RB1: variants seen among roughly 807,000 people sequenced by gnomAD.
RB1 encodes RB transcriptional corepressor 1.
Under a neutral mutation model 135.4 loss-of-function variants are expected in RB1, and 18 were observed. That is an observed-to-expected ratio of 0.13 (90% CI 0.09 to 0.20). The LOEUF is 0.20. Among genes scored for constraint, RB1 ranks in the 10% least tolerant of loss-of-function variants. The pLI is 1.00. For missense variants in RB1, 868 were observed against 1,110.0 expected, an observed-to-expected ratio of 0.78 and a Z score of 3.10; for synonymous variants, 365 against 373.2, an observed-to-expected ratio of 0.98 and a Z score of 0.25.
At chr13:48,328,439 G>A in intron 2 of RB1, 1 of 1,122,286 alleles carries the variant, frequency 8.9e-7, no homozygotes, top group South Asian at 1.2e-5. Context: ...TTGGAGGTCT[G>A]CAGCTTCTTC....
chr13:48,338,838 C>T lies in RB1; in HGVS notation c.265-3761C>T, dbSNP rs539456074. On this transcript the variant is annotated intron_variant, in intron 2 of 26. Transcript: ENST00000267163. Reference sequence around the variant, plus strand: ...TACCTTTGGTCTTTGATGATGGTGACGTACAGATGGGGGTATGGTGTGGAT... The same window carrying T: ...TACCTTTGGTCTTTGATGATGGTGATGTACAGATGGGGGTATGGTGTGGAT... Among the ~76,000 whole-genome samples, 297 of 152,214 alleles carry T rather than the reference C, an allele frequency of 2.0e-3. 2 individuals are homozygous for T. Among genetic ancestry groups the T allele is most frequent in the Non-Finnish European group, 3.6e-3 (248 of 68,026 alleles).
chr13:48,473,502 G>T (rs1263174076), intron 24 of RB1, 112 bp downstream of exon 24: 1 of 839,802 alleles, frequency 1.2e-6, no homozygotes, highest in Admixed American at 2.1e-5. Context: ...CCTCATCCAG[G>T]CATATTGCAT....
At chr13:48,443,516 T>G (rs577632097) in intron 17 of RB1, among the ~76,000 whole-genome samples, 20 of 152,180 alleles carry the variant, frequency 1.3e-4, no homozygotes, top group Non-Finnish European at 2.6e-4. Flanking sequence ...TAACACTTAA[T>G]TTTAAGACTT....
chr13:48,420,020 C>A (rs749205004), intron 17 of RB1, among the ~76,000 whole-genome samples: 2 of 152,134 alleles, frequency 1.3e-5, no homozygotes, highest in Non-Finnish European at 2.9e-5. Flanking sequence ...AAAAGAGAGT[C>A]CTCCTTAACT....
chr13:48,376,235 T>C (rs1302223231), intron 12 of RB1, among the ~76,000 whole-genome samples: 2 of 152,078 alleles, frequency 1.3e-5, no homozygotes, highest in Non-Finnish European at 2.9e-5. Flanking sequence ...GCATGGTGGC[T>C]CACACCTGTA....
intron 20 of RB1, among the ~76,000 whole-genome samples, chr13:48,460,662 A>G (rs1949399473): frequency 6.6e-6 from 1 of 152,158 alleles, no homozygotes. Context: ...ATAGGTTAAT[A>G]AGAACAATAT....
intron 7 of RB1, among the ~76,000 whole-genome samples, chr13:48,361,680 A>G (rs894305223): frequency 6.6e-6 from 1 of 152,156 alleles, no homozygotes; most frequent in Admixed American, 6.5e-5. Flanking sequence ...TTACAGTTTG[A>G]ATGAGAATCT....
chr13:48,426,559 CAG>C (rs958263297), intron 17 of RB1: 2 of 152,198 alleles, frequency 1.3e-5, no homozygotes, highest in Admixed American at 6.5e-5. Context: ...CCTAGAAATT[CAG>C]AATAAAAGTC....
rs878853952 is a variant in RB1 at position 48,367,531 on chromosome 13, TTAAAAA to T, written c.982_987del (p.Asn328_Lys329del). On this transcript the variant is annotated inframe_deletion, in exon 10 of 27. Coordinates refer to ENST00000267163, the MANE Select transcript of RB1 (RefSeq NM_000321.3). Reference sequence around the variant, plus strand: ...TCTAAACGATACGAAGAAATTTATCTTAAAAATAAAGATCTAGATGCAAGATTATTT... The same window carrying T: ...TCTAAACGATACGAAGAAATTTATCTTAAAGATCTAGATGCAAGATTATTT... 1.9e-6 allele frequency: 3 copies of T among 1,604,658 alleles called. No homozygotes were observed. Among genetic ancestry groups the T allele is most frequent in the African/African-American group, 2.7e-5 (2 of 74,726 alleles).
chr13:48,402,482 A>T (rs1472694818), intron 17 of RB1, among the ~76,000 whole-genome samples: 1 of 148,136 alleles, frequency 6.8e-6, no homozygotes, highest in Non-Finnish European at 1.5e-5. Flanking sequence ...GGCTCAAGTG[A>T]TCCTCCCACC....
At chr13:48,306,544 G>GT (rs1952082218) in intron 1 of RB1, among the ~76,000 whole-genome samples, 1 of 152,196 alleles carries the variant, frequency 6.6e-6, no homozygotes, top group Non-Finnish European at 1.5e-5. Context: ...GAGACCTCAG[G>GT]TAAGTTCTTT....
chr13:48,351,702 C>G (rs964842509), intron 6 of RB1, among the ~76,000 whole-genome samples: 7 of 150,860 alleles, frequency 4.6e-5, no homozygotes, highest in Non-Finnish European at 8.9e-5. Flanking sequence ...GAGACAGAGT[C>G]TCACTCTGTC....
intron 17 of RB1, among the ~76,000 whole-genome samples, chr13:48,436,567 C>T (rs531143077): frequency 5.1e-4 from 78 of 152,086 alleles, no homozygotes; most frequent in East Asian, 3.9e-4. Context: ...CGCTTGAACC[C>T]GGGAGACGGA....
rs558896742 is a variant in RB1 at position 48,351,291 on chromosome 13, T to C, written c.607+2268T>C. Reference sequence around the variant, plus strand: ...AACAGCTATTCTGACTGGTGTGAGATGATATCTCATTGTGGTTTTGATTTG... The same window carrying C: ...AACAGCTATTCTGACTGGTGTGAGACGATATCTCATTGTGGTTTTGATTTG... On this transcript the variant is annotated intron_variant, in intron 6 of 26. Coordinates refer to ENST00000267163, the MANE Select transcript of RB1 (RefSeq NM_000321.3). Among the ~76,000 whole-genome samples the C allele has an allele frequency of 2.6e-5, 4 of 152,326 alleles. No individual in the cohort carries two copies. In the East Asian group the frequency reaches 7.7e-4, roughly 29 times the overall value.
intron 13 of RB1, among the ~76,000 whole-genome samples, chr13:48,377,935 T>A (rs1023160576): frequency 7.9e-5 from 12 of 152,146 alleles, no homozygotes; most frequent in Non-Finnish European, 1.5e-4. Context: ...TTTGTGTATC[T>A]AAATATATCC....
Position 48,362,418 on chromosome 13 carries a change from T to C in RB1, c.719-397T>C, listed in dbSNP as rs550569120. On this transcript the variant is annotated intron_variant, in intron 7 of 26. Transcript: ENST00000267163. ...TCATAATTTACTAAAACTTAAAATA[T>C]TGTTTTTATGCTATGTCTAGAAATT... Among the ~76,000 whole-genome samples, 28 of 152,238 alleles carry C rather than the reference T, an allele frequency of 1.8e-4. No individual in the cohort carries two copies. The East Asian group carries it at 3.7e-3, about 20-fold the overall frequency.
At chr13:48,313,491 G>T in intron 2 of RB1, among the ~76,000 whole-genome samples, 1 of 148,220 alleles carries the variant, frequency 6.7e-6, no homozygotes, top group Non-Finnish European at 1.5e-5. Flanking sequence ...AAAGTCATAT[G>T]GTTTTTAGTT....
intron 1 of RB1, among the ~76,000 whole-genome samples, chr13:48,306,929 A>G (rs1003575483): frequency 1.3e-5 from 2 of 152,216 alleles, no homozygotes; most frequent in Non-Finnish European, 2.9e-5. Flanking sequence ...AATATTATCT[A>G]TGGGTTTTTA....
chr13:48,476,689 T>C lies in RB1; in HGVS notation c.2521-12T>C, dbSNP rs4151623. On this transcript the variant is annotated splice_polypyrimidine_tract_variant and intron_variant, in intron 24 of 26. Transcript: ENST00000267163. ...TTTAATGATTTAAAGTAAAGAATTC[T>C]GTAATTTGTAGACTTCTGAGAAGTT... 1.3e-5 allele frequency: 21 copies of C among 1,610,184 alleles called. No homozygotes were observed. Among genetic ancestry groups the C allele is most frequent in the Non-Finnish European group, 1.6e-5 (19 of 1,176,852 alleles).
Sources: gnomAD v4.1 joint callset for allele counts (sites outside exome capture counted in the v4.1 genomes callset) on GRCh38, gnomAD v4.1.1 for gene constraint, MANE v1.5 for transcripts, NCBI Gene and HGNC (gene_info 2026-07-23, HGNC 2026-07-21) for gene names.